Variants in SPMIP3 observed in about 807,000 individuals in gnomAD.
The protein encoded by SPMIP3 is sperm microtubule inner protein 3, also known as protein SPMIP3.
At chr1:244,359,846 C>T in the SPMIP3 span, among the ~76,000 whole-genome samples, 1 of 152,114 alleles carries the variant, frequency 6.6e-6, no homozygotes, top group South Asian at 2.1e-4. Context: ...GGCGGTGGCT[C>T]ACGCCTGTAA....
the SPMIP3 span, among the ~76,000 whole-genome samples, chr1:244,373,100 G>T: frequency 1.3e-5 from 2 of 151,626 alleles, no homozygotes; most frequent in Non-Finnish European, 2.9e-5. Context: ...TTGTTTTCTG[G>T]CTGGGTGCAG....
chr1:244,388,981 T>G, the SPMIP3 span: 4 of 1,613,758 alleles, frequency 2.5e-6, no homozygotes, highest in African/African-American at 5.3e-5. Context: ...ACAGTTTCGC[T>G]GAATCCTCGA....
At chr1:244,360,505 GATAT>G in the SPMIP3 span, among the ~76,000 whole-genome samples, 2 of 139,696 alleles carry the variant, frequency 1.4e-5, no homozygotes, top group African/African-American at 2.7e-5. Context: ...AAGAAAACGT[GATAT>G]ACACACACAC....
At chr1:244,366,732 T>C in the SPMIP3 span, among the ~76,000 whole-genome samples, 1 of 151,854 alleles carries the variant, frequency 6.6e-6, no homozygotes, top group African/African-American at 2.4e-5. Flanking sequence ...ATACAAAAAT[T>C]AGCCAGGCGT....
the SPMIP3 span, among the ~76,000 whole-genome samples, chr1:244,357,954 G>T: frequency 6.6e-6 from 1 of 152,036 alleles, no homozygotes; most frequent in Non-Finnish European, 1.5e-5. Context: ...TGAGTGTGGT[G>T]GCATGCACCT....
At chr1:244,362,147 C>A in the SPMIP3 span, among the ~76,000 whole-genome samples, 2 of 152,176 alleles carry the variant, frequency 1.3e-5, no homozygotes, top group East Asian at 3.8e-4. Flanking sequence ...AAAACACACT[C>A]AGGTGAAATA....
At chr1:244,381,264 C>A in the SPMIP3 span, among the ~76,000 whole-genome samples, 1 of 152,064 alleles carries the variant, frequency 6.6e-6, no homozygotes. Context: ...TGGCTGAGCA[C>A]GCTGTCCTTT....
chr1:244,353,582 G>A, the SPMIP3 span, among the ~76,000 whole-genome samples: 1 of 152,170 alleles, frequency 6.6e-6, no homozygotes, highest in African/African-American at 2.4e-5. Flanking sequence ...TCTCCCAGGG[G>A]CTCTGGGAAT....
At chr1:244,380,361 C>T in the SPMIP3 span, among the ~76,000 whole-genome samples, 1 of 152,102 alleles carries the variant, frequency 6.6e-6, no homozygotes, top group Non-Finnish European at 1.5e-5. Flanking sequence ...CTGAAGTGAT[C>T]CACCCACCTT....
chr1:244,376,138 A>T, the SPMIP3 span, among the ~76,000 whole-genome samples: 108 of 152,278 alleles, frequency 7.1e-4, no homozygotes, highest in African/African-American at 2.6e-3. Context: ...AGGCCCATCC[A>T]CAACAGAGCA....
At chr1:244,373,086 A>C in the SPMIP3 span, among the ~76,000 whole-genome samples, 10,032 of 151,828 alleles carry the variant, frequency 0.066, 1,125 homozygotes, top group African/African-American at 0.23. Flanking sequence ...CATGGTCTTC[A>C]AATTTGTTTT....
chr1:244,360,556 A>ACG, the SPMIP3 span, among the ~76,000 whole-genome samples: 1 of 24,226 alleles, frequency 4.1e-5, no homozygotes, highest in African/African-American at 9.4e-5. Flanking sequence ...ACACACACAC[A>ACG]CATGCATGCA....
At chr1:244,367,456 G>C in the SPMIP3 span, among the ~76,000 whole-genome samples, 2 of 152,108 alleles carry the variant, frequency 1.3e-5, no homozygotes, top group East Asian at 3.9e-4. Flanking sequence ...GCCTGGAGGG[G>C]GAATGCACGG....
the SPMIP3 span, among the ~76,000 whole-genome samples, chr1:244,372,403 T>C: frequency 1.1e-3 from 175 of 152,222 alleles, no homozygotes; most frequent in African/African-American, 4.0e-3. Context: ...TTTAGTGAGA[T>C]ACGTTATGCA....
chr1:244,378,215 A>G, the SPMIP3 span, among the ~76,000 whole-genome samples: 127 of 152,132 alleles, frequency 8.3e-4, no homozygotes, highest in African/African-American at 3.0e-3. Flanking sequence ...GATCTAGTGG[A>G]GAGTGTGATA....
the SPMIP3 span, among the ~76,000 whole-genome samples, chr1:244,374,887 C>T: frequency 4.1e-4 from 63 of 152,172 alleles, no homozygotes; most frequent in Non-Finnish European, 6.3e-4. Context: ...TGTGAGCCAC[C>T]GTGCCCAGCC....
chr1:244,364,705 C>T, the SPMIP3 span: 10 of 1,613,894 alleles, frequency 6.2e-6, no homozygotes, highest in African/African-American at 1.1e-4. Context: ...TCCATCATGA[C>T]TGCCATCCGA....
At chr1:244,374,078 AC>A in the SPMIP3 span, among the ~76,000 whole-genome samples, 4 of 152,142 alleles carry the variant, frequency 2.6e-5, no homozygotes, top group Non-Finnish European at 5.9e-5. Flanking sequence ...GGGCCACTGC[AC>A]TCCAGCCTGG....
At chr1:244,375,261 A>T in the SPMIP3 span, 1 of 803,824 alleles carries the variant, frequency 1.2e-6, no homozygotes, top group Non-Finnish European at 2.0e-6. Context: ...CAGTGCCAGA[A>T]ACTGGGGACA....
Sources: gnomAD v4.1 joint callset for allele counts (sites outside exome capture counted in the v4.1 genomes callset) on GRCh38, gnomAD v4.1.1 for gene constraint, MANE v1.5 for transcripts, NCBI Gene and HGNC (gene_info 2026-07-23, HGNC 2026-07-21) for gene names.